Variants in GLCE observed in about 807,000 individuals in gnomAD.
GLCE encodes D-glucuronyl C5-epimerase.
GLCE carries 19 observed loss-of-function variants against 47.9 expected under a neutral mutation model. The observed-to-expected ratio is 0.40, with a 90% CI of 0.28 to 0.58. The LOEUF (loss-of-function observed/expected upper bound fraction) is 0.58. Ranked by LOEUF, GLCE falls within the 20% of genes least tolerant of loss-of-function variation. The pLI is 0.48. For synonymous variants in GLCE, 245 were observed against 263.4 expected (o/e 0.93, Z 0.68); for missense variants, 556 against 743.3 (o/e 0.75, Z 2.93).
At chr15:69,223,642 T>C (rs1466915442) in intron 2 of GLCE, among the ~76,000 whole-genome samples, 1 of 152,234 alleles carries the variant, frequency 6.6e-6, no homozygotes, top group African/African-American at 2.4e-5. Context: ...TTTTTCATCA[T>C]TATTCATGTG....
chr15:69,253,806 A>G (rs188668846), intron 2 of GLCE, among the ~76,000 whole-genome samples: 77 of 152,350 alleles, frequency 5.1e-4, no homozygotes, highest in African/African-American at 1.8e-3. Context: ...CACACATAGT[A>G]ACAAGTAACA....
intron 1 of GLCE, among the ~76,000 whole-genome samples, chr15:69,209,040 G>A (rs997921865): frequency 6.6e-5 from 10 of 151,636 alleles, no homozygotes; most frequent in African/African-American, 1.5e-4. Context: ...TTCTTCTGTC[G>A]TCTTGATTCG....
At chr15:69,174,589 G>A (rs116700810) in intron 1 of GLCE, among the ~76,000 whole-genome samples, 18,527 of 152,064 alleles carry the variant, frequency 0.12, 1,190 homozygotes, top group East Asian at 0.16. Flanking sequence ...CAGCCTGGGC[G>A]ACAAGAGTGA....
chr15:69,198,637 G>A (rs1445526341), intron 1 of GLCE, among the ~76,000 whole-genome samples: 1 of 152,174 alleles, frequency 6.6e-6, no homozygotes, highest in Non-Finnish European at 1.5e-5. Flanking sequence ...AAAAGTGCCA[G>A]CAAAAGAGAG....
At chr15:69,228,817 G>T (rs1246659535) in intron 2 of GLCE, among the ~76,000 whole-genome samples, 1 of 152,074 alleles carries the variant, frequency 6.6e-6, no homozygotes, top group Admixed American at 6.6e-5. Context: ...CTCCCAAGTA[G>T]CTGGGACTAC....
At chr15:69,175,579 A>T (rs561186990) in intron 1 of GLCE, among the ~76,000 whole-genome samples, 1 of 152,348 alleles carries the variant, frequency 6.6e-6, no homozygotes, top group South Asian at 2.1e-4. Context: ...TGATGAAGTT[A>T]GTTTATAGTC....
chr15:69,186,553 A>G (rs1439852656), intron 1 of GLCE, among the ~76,000 whole-genome samples: 1 of 152,246 alleles, frequency 6.6e-6, no homozygotes, highest in Non-Finnish European at 1.5e-5. Context: ...GAACCTGAAT[A>G]ACACAGAAGA....
chr15:69,210,579 A>G (rs1297707050), intron 2 of GLCE, among the ~76,000 whole-genome samples, 173 bp downstream of exon 2: 1 of 152,118 alleles, frequency 6.6e-6, no homozygotes, highest in Non-Finnish European at 1.5e-5. Flanking sequence ...ACACATTTAA[A>G]TTTCCCAGTC....
chr15:69,211,612 C>A (rs2052234898), intron 2 of GLCE, among the ~76,000 whole-genome samples: 1 of 151,674 alleles, frequency 6.6e-6, no homozygotes, highest in Non-Finnish European at 1.5e-5. Context: ...ATCTTTGCTA[C>A]CCTCCTCAGA....
In GLCE at chr15:69,268,623, GC is replaced by G; in HGVS notation, c.1234del (p.Leu412Ter). ...CTGCATTTTTTGCTGCTAGTGATTG[GC>G]TAGTAAGGAACCAGGATGAGAAAGG... ...MAAFFAASDW[L>X]VRNQDEKGGW... On this transcript the variant is annotated frameshift_variant, in exon 5 of 5. Transcript: ENST00000261858. LOFTEE classifies it high-confidence loss of function. 1 of 1,614,202 alleles carries G rather than the reference GC, an allele frequency of 6.2e-7. No homozygotes were observed. The highest frequency in any genetic ancestry group is 1.3e-5 in the African/African-American group (1 of 75,048).
At chr15:69,173,907 G>T (rs1456599139) in intron 1 of GLCE, among the ~76,000 whole-genome samples, 2 of 152,134 alleles carry the variant, frequency 1.3e-5, no homozygotes, top group African/African-American at 4.8e-5. Flanking sequence ...ATCCAGGCTG[G>T]TGTGCAGTGG....
intron 1 of GLCE, among the ~76,000 whole-genome samples, chr15:69,203,939 A>C (rs1276570385): frequency 6.6e-6 from 1 of 152,154 alleles, no homozygotes; most frequent in Non-Finnish European, 1.5e-5. Flanking sequence ...ATTTTTAAAA[A>C]TAATACCTAA....
chr15:69,185,907 G>A (rs1317076155), intron 1 of GLCE, among the ~76,000 whole-genome samples: 2 of 152,116 alleles, frequency 1.3e-5, no homozygotes, highest in Non-Finnish European at 2.9e-5. Context: ...CTGGTTTCAA[G>A]TTGGGTTCCT....
chr15:69,191,638 G>A (rs1255628058), intron 1 of GLCE, among the ~76,000 whole-genome samples: 1 of 152,160 alleles, frequency 6.6e-6, no homozygotes, highest in African/African-American at 2.4e-5. Flanking sequence ...CCTCTGCCTA[G>A]CATGTAGCAA....
At chr15:69,210,811 G>A (rs2052222808) in intron 2 of GLCE, among the ~76,000 whole-genome samples, 1 of 152,108 alleles carries the variant, frequency 6.6e-6, no homozygotes, top group East Asian at 1.9e-4. Context: ...TTGGAACACA[G>A]TCACACCCAC....
chr15:69,170,248 C>G (rs2051570109), intron 1 of GLCE, among the ~76,000 whole-genome samples: 1 of 151,950 alleles, frequency 6.6e-6, no homozygotes, highest in Non-Finnish European at 1.5e-5. Context: ...TAAATTGTTT[C>G]ATAAACAATT....
At position 69,179,515 on chromosome 15, in the gene GLCE, T is replaced by C. The variant is rs140759575; in HGVS notation, c.-105+18758T>C. 5.4e-3 allele frequency among the ~76,000 whole-genome samples: 823 copies of C among 152,308 alleles called. 4 individuals carry two copies. The highest frequency in any genetic ancestry group is 9.0e-3 in the Non-Finnish European group (614 of 68,028). ...TAATTGTTTGCAGTTTTATCATGTG[T>C]AGTTTTGACCACCACAGTCAAGATA... On this transcript the variant is annotated intron_variant, in intron 1 of 4. Transcript: ENST00000261858.
At chr15:69,199,055 T>A (rs1251767012) in intron 1 of GLCE, among the ~76,000 whole-genome samples, 2 of 152,168 alleles carry the variant, frequency 1.3e-5, no homozygotes, top group Non-Finnish European at 2.9e-5. Context: ...TAACTGGTAG[T>A]GTACATTTGT....
At chr15:69,245,440 G>A (rs888253254) in intron 2 of GLCE, among the ~76,000 whole-genome samples, 1 of 152,030 alleles carries the variant, frequency 6.6e-6, no homozygotes, top group Non-Finnish European at 1.5e-5. Flanking sequence ...CTTTTTACTG[G>A]TGGAGGGTCT....
Sources: allele counts gnomAD v4.1 joint callset (sites outside exome capture counted in the v4.1 genomes callset), GRCh38; gene constraint gnomAD v4.1.1; transcripts MANE v1.5; gene names NCBI Gene and HGNC (gene_info 2026-07-23, HGNC 2026-07-21).